The following KCNG2 variants were observed in gnomAD, a reference collection of about 807,000 sequenced individuals.
KCNG2 encodes the protein potassium voltage-gated channel modifier subfamily G member 2.
Under a neutral mutation model 12.3 loss-of-function variants are expected in KCNG2, and 7 were observed. The observed-to-expected ratio is 0.57, with a 90% CI of 0.32 to 1.07. The LOEUF is 1.07. Among genes scored for constraint, KCNG2 ranks in the 50% least tolerant of loss-of-function variants. The pLI, the probability that KCNG2 is intolerant of heterozygous loss-of-function variation, is 0.04. For synonymous variants in KCNG2, 414 were observed against 351.4 expected (o/e 1.18, Z -1.99); for missense variants, 703 against 726.0 (o/e 0.97, Z 0.36).
intron 3 of KCNG2, among the ~76,000 whole-genome samples, chr18:79,879,620 G>A (rs993960982): frequency 5.9e-5 from 9 of 152,202 alleles, no homozygotes; most frequent in Non-Finnish European, 1.2e-4. Context: ...AAGGCAGGGG[G>A]AAGATGCACC....
At chr18:79,895,141 A>G (rs1025634869) in intron 3 of KCNG2, among the ~76,000 whole-genome samples, 91 of 128,610 alleles carry the variant, frequency 7.1e-4, no homozygotes, top group Middle Eastern at 6.3e-3. Flanking sequence ...CTAATGGTAC[A>G]ATTGATATAG....
chr18:79,869,320 G>A (rs561993309), intron 3 of KCNG2, among the ~76,000 whole-genome samples: 13 of 152,320 alleles, frequency 8.5e-5, no homozygotes, highest in East Asian at 1.9e-4. Flanking sequence ...TGCTGCACAC[G>A]GCGGGTGCGG....
rs1981112200 is a variant in KCNG2, at chr18:79,899,379, T to A, written c.964T>A (p.Phe322Ile). ...GACCATGCGCCGCTGCGCGCGCGAGTTCGGGCTGCTGCTGCTGTTCCTCTG... is the reference window on the plus strand; with the variant it reads ...GACCATGCGCCGCTGCGCGCGCGAGATCGGGCTGCTGCTGCTGTTCCTCTG... Reference protein sequence around the residue: ...GLTMRRCAREFGLLLLFLCVA... With the variant: ...GLTMRRCAREIGLLLLFLCVA... Residue 322 changes from phenylalanine (F) to isoleucine (I), a missense_variant, in exon 4 of 4, where the codon TTC becomes ATC. Transcript: ENST00000316249. The A allele has an allele frequency of 6.4e-7, 1 of 1,563,912 alleles. No individual in the cohort carries two copies. Among genetic ancestry groups the A allele is most frequent in the Non-Finnish European group, 8.6e-7 (1 of 1,160,854 alleles).
At position 79,863,863 on chromosome 18, in the gene KCNG2, C is replaced by T. The variant is rs781639985; in HGVS notation, c.196C>T (p.Arg66Cys). 8.8e-6 allele frequency: 13 copies of T among 1,470,994 alleles called. No individual in the cohort carries two copies. Among genetic ancestry groups the T allele is most frequent in the Non-Finnish European group, 1.2e-5 (13 of 1,108,512 alleles). 91.1% of individuals were successfully genotyped at this position (1,470,994 alleles called of 1,614,324 possible). ...CGTGTGTGACGACTACGACGTGAGC[C>T]GCGACGAGTTCTTCTTCGACCGCAG... ...LRVCDDYDVS[R>C]DEFFFDRSPC... The change falls in exon 3 of 4, where the codon CGC becomes TGC. Residue 66 changes from arginine to cysteine, a missense_variant. Arg to Cys is a radical substitution (Grantham distance 180). Transcript: ENST00000316249.
At chr18:79,849,030 G>A (rs1236992131) in intron 1 of KCNG2, among the ~76,000 whole-genome samples, 2 of 152,114 alleles carry the variant, frequency 1.3e-5, no homozygotes, top group East Asian at 1.9e-4. Context: ...CACGGGACCC[G>A]TGCGGACACA....
chr18:79,826,814 C>A (rs1978286480), intron 1 of KCNG2, among the ~76,000 whole-genome samples: 1 of 150,874 alleles, frequency 6.6e-6, no homozygotes, highest in Non-Finnish European at 1.5e-5. Context: ...ACTGAGTGAG[C>A]AGCTCCTCAC....
intron 1 of KCNG2, among the ~76,000 whole-genome samples, chr18:79,852,982 G>C (rs955707219): frequency 6.6e-6 from 1 of 152,248 alleles, no homozygotes; most frequent in Admixed American, 6.5e-5. Context: ...CCACCGTGGG[G>C]CAGGCCCTGG....
intron 3 of KCNG2, among the ~76,000 whole-genome samples, chr18:79,892,917 G>A (rs1160709870): frequency 6.6e-6 from 1 of 150,708 alleles, no homozygotes; most frequent in African/African-American, 2.5e-5. Flanking sequence ...AGTTGGGTCT[G>A]TCTGCTTTTG....
intron 1 of KCNG2, among the ~76,000 whole-genome samples, chr18:79,807,103 G>C (rs1441935724): frequency 6.6e-6 from 1 of 152,212 alleles, no homozygotes; most frequent in Non-Finnish European, 1.5e-5. Flanking sequence ...CTGACCCCGG[G>C]AGGGTTTGGT....
At chr18:79,897,336 A>C (rs1981015279) in intron 3 of KCNG2, among the ~76,000 whole-genome samples, 1 of 152,162 alleles carries the variant, frequency 6.6e-6, no homozygotes, top group South Asian at 2.1e-4. Context: ...CTGCCAGTTA[A>C]AATCTACTTT....
At chr18:79,830,252 C>G (rs139376148) in intron 1 of KCNG2, among the ~76,000 whole-genome samples, 219 of 152,294 alleles carry the variant, frequency 1.4e-3, no homozygotes, top group African/African-American at 5.0e-3. Flanking sequence ...CCCCTGAAAG[C>G]AGAACGTGAC....
intron 3 of KCNG2, among the ~76,000 whole-genome samples, chr18:79,875,206 G>C (rs987750875): frequency 6.6e-6 from 1 of 152,154 alleles, no homozygotes; most frequent in African/African-American, 2.4e-5. Context: ...ATTGCCCTAC[G>C]TTGTCTGATG....
Position 79,803,014 on chromosome 18 carries a change from A to G in KCNG2, c.-115+5000A>G, listed in dbSNP as rs1223399604. Among the ~76,000 whole-genome samples the G allele has an allele frequency of 6.6e-6, 1 of 152,150 alleles. No individual in the cohort carries two copies. The highest frequency in any genetic ancestry group is 1.9e-4 in the East Asian group (1 of 5,200). Reference sequence around the variant, plus strand: ...GTCAACATGGTGAAACCTCATCTCTACTAAAACACAAAAATTAGCCGGGCA... The same window carrying G: ...GTCAACATGGTGAAACCTCATCTCTGCTAAAACACAAAAATTAGCCGGGCA... On this transcript the variant is annotated intron_variant, in intron 1 of 3. Transcript: ENST00000316249. The surrounding 1 kb of genome is among the most constrained non-coding windows in gnomAD (Gnocchi z 4.5).
At chr18:79,888,831 C>G (rs542513557) in intron 3 of KCNG2, among the ~76,000 whole-genome samples, 1 of 152,044 alleles carries the variant, frequency 6.6e-6, no homozygotes, top group South Asian at 2.1e-4. Flanking sequence ...TCCACCACCA[C>G]GCCCAGCTAT....
chr18:79,891,231 A>C lies in KCNG2; in HGVS notation c.625-7809A>C, dbSNP rs187676860. Among the ~76,000 whole-genome samples, 179 of 150,414 alleles carry C rather than the reference A, an allele frequency of 1.2e-3. 2 individuals carry two copies. The highest frequency in any genetic ancestry group is 4.2e-3 in the African/African-American group (173 of 40,850). On this transcript the variant is annotated intron_variant, in intron 3 of 3. Transcript: ENST00000316249. Reference sequence around the variant, plus strand: ...TCTAAGCATTACTTTTTCTTTCTTTATTTTTTATTTTTTTTTCAAGACAGG... The same window carrying C: ...TCTAAGCATTACTTTTTCTTTCTTTCTTTTTTATTTTTTTTTCAAGACAGG...
chr18:79,861,228 C>T (rs1013863267), intron 2 of KCNG2, among the ~76,000 whole-genome samples: 1 of 150,242 alleles, frequency 6.7e-6, no homozygotes, highest in Non-Finnish European at 1.5e-5. Flanking sequence ...TTATTTTGCT[C>T]ATGTCTTGTG....
rs151049829 is a variant in KCNG2, at chr18:79,839,368, G to A, written c.-114-17011G>A. On this transcript the variant is annotated intron_variant, in intron 1 of 3. Coordinates refer to ENST00000316249, the MANE Select transcript of KCNG2 (RefSeq NM_012283.2). ...AAGAGAGAAGACACACGTTACCAAC[G>A]TCAGGAACAAAATAGAGGACATAAC... Among the ~76,000 whole-genome samples the A allele has an allele frequency of 2.1e-3, 316 of 152,252 alleles. 1 individual carries two copies. The highest frequency in any genetic ancestry group is 5.5e-3 in the African/African-American group (229 of 41,570).
At chr18:79,872,678 G>C (rs1287626004) in intron 3 of KCNG2, among the ~76,000 whole-genome samples, 2 of 152,254 alleles carry the variant, frequency 1.3e-5, no homozygotes, top group African/African-American at 4.8e-5. Context: ...CTCAGACTCT[G>C]AGTGTGACTG....
At chr18:79,879,676 C>T (rs930573873) in intron 3 of KCNG2, among the ~76,000 whole-genome samples, 1 of 152,194 alleles carries the variant, frequency 6.6e-6, no homozygotes, top group African/African-American at 2.4e-5. Context: ...ACCAGGGTTC[C>T]AGAAAGGCGA....
Sources: allele counts gnomAD v4.1 joint callset (sites outside exome capture counted in the v4.1 genomes callset), GRCh38; gene constraint gnomAD v4.1.1; non-coding constraint Gnocchi (gnomAD v3.1); transcripts MANE v1.5; gene names NCBI Gene and HGNC (gene_info 2026-07-23, HGNC 2026-07-21).